TXNRD1: variants seen among roughly 807,000 people sequenced by gnomAD.
TXNRD1 encodes the protein thioredoxin reductase 1, cytoplasmic.
TXNRD1 carries 57 observed loss-of-function variants against 80.3 expected under a neutral mutation model. The observed-to-expected ratio is 0.71, with a 90% CI of 0.57 to 0.89. The LOEUF is 0.89. TXNRD1 is among the 40% of genes least tolerant of loss of function. The pLI is 0.00. For missense variants in TXNRD1, 730 were observed against 803.0 expected (o/e 0.91, Z 1.10); for synonymous variants, 291 against 285.2 (o/e 1.02, Z -0.20).
chr12:104,277,648 T>C (rs1272893398), intron 3 of TXNRD1, among the ~76,000 whole-genome samples: 1 of 151,978 alleles, frequency 6.6e-6, no homozygotes, highest in Non-Finnish European at 1.5e-5. Flanking sequence ...GTTTTCAGGG[T>C]GGATGATTCA....
intron 3 of TXNRD1, among the ~76,000 whole-genome samples, chr12:104,287,831 C>T (rs1410761463): frequency 6.6e-6 from 1 of 152,216 alleles, no homozygotes; most frequent in Non-Finnish European, 1.5e-5. Flanking sequence ...CTTAGCTTTT[C>T]TGTACCTGTT....
At chr12:104,295,136 G>A in intron 4 of TXNRD1, among the ~76,000 whole-genome samples, 1 of 152,194 alleles carries the variant, frequency 6.6e-6, no homozygotes, top group Non-Finnish European at 1.5e-5. Flanking sequence ...TGTTAGAACT[G>A]CAAATAAACG....
intron 4 of TXNRD1, among the ~76,000 whole-genome samples, chr12:104,294,123 T>C (rs999580660): frequency 9.9e-5 from 15 of 151,548 alleles, no homozygotes; most frequent in African/African-American, 3.6e-4. Context: ...AAGCACAGCA[T>C]CACAGGGAGA....
chr12:104,291,155 C>T, intron 4 of TXNRD1: 2 of 386,164 alleles, frequency 5.2e-6, no homozygotes, highest in Middle Eastern at 3.5e-4. Context: ...TAAAAGAAAT[C>T]ATTTAGCATA....
chr12:104,244,910 G>A (rs956181464), intron 1 of TXNRD1, among the ~76,000 whole-genome samples: 1 of 152,244 alleles, frequency 6.6e-6, no homozygotes, highest in African/African-American at 2.4e-5. Flanking sequence ...CTGTGGCAAG[G>A]TATAACTTTG....
chr12:104,296,304 C>T (rs1360072718), intron 4 of TXNRD1, among the ~76,000 whole-genome samples: 1 of 152,150 alleles, frequency 6.6e-6, no homozygotes, highest in Non-Finnish European at 1.5e-5. Context: ...TCATTACATG[C>T]TTGCTGAATG....
chr12:104,288,299 A>G (rs1329943673), intron 3 of TXNRD1, among the ~76,000 whole-genome samples: 3 of 152,244 alleles, frequency 2.0e-5, no homozygotes, highest in African/African-American at 7.2e-5. Context: ...TCTAATGAAT[A>G]GGCCTCATGT....
intron 15 of TXNRD1, among the ~76,000 whole-genome samples, chr12:104,337,988 A>T (rs1203536600): frequency 7.2e-6 from 1 of 138,996 alleles, no homozygotes; most frequent in Non-Finnish European, 1.5e-5. Flanking sequence ...GTAGGGACAG[A>T]GTCTCCCTAT....
chr12:104,334,584 C>T (rs2036069934), intron 15 of TXNRD1, among the ~76,000 whole-genome samples: 1 of 152,164 alleles, frequency 6.6e-6, no homozygotes, highest in South Asian at 2.1e-4. Flanking sequence ...GTTGGCCAGG[C>T]TGGTCTTGAA....
intron 15 of TXNRD1, among the ~76,000 whole-genome samples, chr12:104,337,953 A>ATTTTT (rs761640158): frequency 3.4e-5 from 4 of 116,868 alleles, no homozygotes; most frequent in Non-Finnish European, 5.3e-5. Context: ...TGCCCAGCTA[A>ATTTTT]TTTTTTTTTT....
intron 3 of TXNRD1, among the ~76,000 whole-genome samples, chr12:104,267,755 C>T (rs999635984): frequency 1.4e-5 from 2 of 138,450 alleles, no homozygotes; most frequent in African/African-American, 2.8e-5. Context: ...TTCCTTCCTT[C>T]CTCCCTCCCT....
chr12:104,277,348 T>C (rs1302145745), intron 3 of TXNRD1, among the ~76,000 whole-genome samples: 9 of 148,778 alleles, frequency 6.0e-5, no homozygotes, highest in Non-Finnish European at 1.3e-4. Context: ...TGCAGTGAGC[T>C]GAGATCGCGC....
intron 1 of TXNRD1, among the ~76,000 whole-genome samples, chr12:104,242,304 C>G (rs2032891211): frequency 1.3e-5 from 2 of 150,076 alleles, no homozygotes; most frequent in African/African-American, 4.9e-5. Context: ...AATCCCAGCA[C>G]TTTGGGAGGC....
rs538268509 is a variant in TXNRD1, at chr12:104,268,272, G to C, written c.304+10193G>C. On this transcript the variant is annotated intron_variant, in intron 3 of 16. Transcript: ENST00000525566. ...CACGCCTGTAATCCCAGCACTTTGG[G>C]AGGCTGAGGTGGGCTGATCACGAGG... is the stretch of plus-strand genomic sequence containing the variant. 4.5e-4 allele frequency among the ~76,000 whole-genome samples: 68 copies of C among 151,614 alleles called. 1 individual carries two copies. Among genetic ancestry groups the C allele is most frequent in the South Asian group, 4.2e-3 (20 of 4,812 alleles).
chr12:104,226,410 G>A (rs2032474226), intron 1 of TXNRD1, among the ~76,000 whole-genome samples: 1 of 152,088 alleles, frequency 6.6e-6, no homozygotes, highest in Non-Finnish European at 1.5e-5. Context: ...GTTCAGTTAT[G>A]TCCCTGGAAT....
At chr12:104,280,245 C>A (rs535046289) in intron 3 of TXNRD1, 1 of 151,958 alleles carries the variant, frequency 6.6e-6, no homozygotes, top group African/African-American at 2.4e-5. Context: ...TCTTACCTAC[C>A]ACCATTTTCA....
chr12:104,248,560 G>A (rs1466958805), intron 1 of TXNRD1, among the ~76,000 whole-genome samples: 3 of 152,130 alleles, frequency 2.0e-5, no homozygotes, highest in South Asian at 2.1e-4. Context: ...CAGGAATTAC[G>A]GGCGGGTGTG....
intron 2 of TXNRD1, among the ~76,000 whole-genome samples, chr12:104,257,082 T>C (rs1303655557): frequency 6.6e-6 from 1 of 151,698 alleles, no homozygotes; most frequent in Non-Finnish European, 1.5e-5. Flanking sequence ...AATATGGTTC[T>C]AAACTTTCCT....
At position 104,216,162 on chromosome 12, in the gene TXNRD1, G is replaced by C. The variant is rs2032203501; in HGVS notation, c.91+269G>C. Among the ~76,000 whole-genome samples the C allele has an allele frequency of 2.6e-5, 4 of 152,262 alleles. No individual in the cohort carries two copies. The South Asian group carries it at 8.3e-4, about 31-fold the overall frequency. On this transcript the variant is annotated intron_variant, in intron 1 of 16. Coordinates refer to ENST00000525566, the MANE Select transcript of TXNRD1 (RefSeq NM_001093771.3). ...AGGAGCGGGCCCGCCGCGAGGACCT[G>C]CCCGGAAACCTGTCGGAAACCGAAC...
Sources: allele counts gnomAD v4.1 joint callset (sites outside exome capture counted in the v4.1 genomes callset), GRCh38; gene constraint gnomAD v4.1.1; transcripts MANE v1.5; gene names NCBI Gene and HGNC (gene_info 2026-07-23, HGNC 2026-07-21).